Variants in NWD2 observed in about 807,000 individuals in gnomAD.
NWD2 encodes NACHT and WD repeat domain containing 2.
NWD2 carries 37 observed loss-of-function variants against 132.7 expected under a neutral mutation model. The observed-to-expected ratio is 0.28, with a 90% CI of 0.21 to 0.37. The LOEUF is 0.37. NWD2 is among the 10% of genes least tolerant of loss of function. NWD2 has a pLI of 1.00. For missense variants in NWD2, 1,592 were observed against 2,122.4 expected (o/e 0.75, Z 4.91); for synonymous variants, 705 against 803.0 (o/e 0.88, Z 2.06).
chr4:37,408,514 G>C (rs894703085), intron 3 of NWD2, among the ~76,000 whole-genome samples: 2 of 152,212 alleles, frequency 1.3e-5, no homozygotes, highest in Non-Finnish European at 2.9e-5. Flanking sequence ...CTGAAAAAAA[G>C]GCAGCAGACC....
At chr4:37,347,967 A>G (rs1719669592) in intron 2 of NWD2, among the ~76,000 whole-genome samples, 1 of 152,226 alleles carries the variant, frequency 6.6e-6, no homozygotes, top group Non-Finnish European at 1.5e-5. Flanking sequence ...AGTTATTGGC[A>G]TATGGTCTTA....
chr4:37,411,242 CTAAT>C (rs1208953680), intron 3 of NWD2, among the ~76,000 whole-genome samples: 1 of 152,030 alleles, frequency 6.6e-6, no homozygotes, highest in African/African-American at 2.4e-5. Context: ...ACTAGCCAGA[CTAAT>C]AAAGCAGGAA....
chr4:37,313,806 C>T (rs1656218), intron 1 of NWD2, among the ~76,000 whole-genome samples: 7,521 of 150,906 alleles, frequency 0.05, 934 homozygotes, highest in African/African-American at 0.16. Context: ...TCAAGTGATT[C>T]TGCTGCCTCA....
At chr4:37,326,873 T>C (rs1489856897) in intron 2 of NWD2, among the ~76,000 whole-genome samples, 6 of 152,190 alleles carry the variant, frequency 3.9e-5, no homozygotes, top group Admixed American at 3.9e-4. Context: ...TCCTCCCAGA[T>C]AAATATTTTA....
intron 1 of NWD2, among the ~76,000 whole-genome samples, chr4:37,311,152 A>G (rs1718833267): frequency 1.3e-5 from 2 of 152,136 alleles, no homozygotes. Context: ...TATACCCAGT[A>G]ATGGGATGGC....
rs905184121 is a variant in NWD2 at position 37,319,883 on chromosome 4, A to T, written c.152-6053A>T. ...GCTGTTTGGGTTACTGTAGCCTTAT[A>T]GTATAGTTTGAAGTCAGGTAATGTG... On this transcript the variant is annotated intron_variant, in intron 1 of 6. Transcript: ENST00000309447. Among the ~76,000 whole-genome samples the T allele has an allele frequency of 2.6e-5, 4 of 152,158 alleles. No individual in the cohort carries two copies. The South Asian group carries it at 6.2e-4, about 24-fold the overall frequency.
At chr4:37,295,197 G>T (rs901490069) in intron 1 of NWD2, among the ~76,000 whole-genome samples, 1 of 152,060 alleles carries the variant, frequency 6.6e-6, no homozygotes. Flanking sequence ...TTTTTTGTCA[G>T]AGTGTGTTGG....
At chr4:37,435,249 C>T (rs967614219) in intron 5 of NWD2, among the ~76,000 whole-genome samples, 1 of 152,158 alleles carries the variant, frequency 6.6e-6, no homozygotes, top group Non-Finnish European at 1.5e-5. Flanking sequence ...ATAATAGCTG[C>T]GTTTTCAGAT....
chr4:37,351,084 G>C (rs1049175444), intron 2 of NWD2, among the ~76,000 whole-genome samples: 2 of 152,086 alleles, frequency 1.3e-5, no homozygotes, highest in African/African-American at 4.8e-5. Flanking sequence ...CAGTTTGCCA[G>C]TATTTTATTG....
chr4:37,349,007 T>G (rs1719707395), intron 2 of NWD2, among the ~76,000 whole-genome samples: 1 of 152,028 alleles, frequency 6.6e-6, no homozygotes, highest in Non-Finnish European at 1.5e-5. Flanking sequence ...GCAGAGGACA[T>G]GAACTCATCC....
At chr4:37,395,584 CAA>C (rs1156884728) in intron 3 of NWD2, among the ~76,000 whole-genome samples, 56 of 18,276 alleles carry the variant, frequency 3.1e-3, no homozygotes, top group African/African-American at 8.5e-3. Flanking sequence ...AACTCTGTCT[CAA>C]AAAAAAAAAA....
chr4:37,360,180 G>T (rs1237383111), intron 3 of NWD2, among the ~76,000 whole-genome samples: 1 of 152,186 alleles, frequency 6.6e-6, no homozygotes, highest in African/African-American at 2.4e-5. Flanking sequence ...AAGGATTGTT[G>T]TGGGGACCAA....
chr4:37,331,579 C>T (rs1719292735), intron 2 of NWD2, among the ~76,000 whole-genome samples: 1 of 152,008 alleles, frequency 6.6e-6, no homozygotes, highest in African/African-American at 2.4e-5. Context: ...TACAATACCA[C>T]CAGAATCATC....
chr4:37,374,904 A>C (rs897038107), intron 3 of NWD2, among the ~76,000 whole-genome samples: 4 of 152,234 alleles, frequency 2.6e-5, no homozygotes, highest in Non-Finnish European at 5.9e-5. Context: ...TTCTCAACTG[A>C]ATGATATGAA....
At chr4:37,362,523 A>G (rs1720001098) in intron 3 of NWD2, among the ~76,000 whole-genome samples, 1 of 152,208 alleles carries the variant, frequency 6.6e-6, no homozygotes, top group Admixed American at 6.5e-5. Context: ...CTGCACACCT[A>G]CAGCCATCTG....
chr4:37,335,657 C>T (rs763156412), intron 2 of NWD2, among the ~76,000 whole-genome samples: 1 of 151,788 alleles, frequency 6.6e-6, no homozygotes, highest in Non-Finnish European at 1.5e-5. Context: ...ATTAGATTCT[C>T]ATAGGAACAT....
At chr4:37,379,770 G>C (rs867924001) in intron 3 of NWD2, among the ~76,000 whole-genome samples, 4 of 152,154 alleles carry the variant, frequency 2.6e-5, no homozygotes, top group African/African-American at 9.7e-5. Context: ...ACAAATGAAG[G>C]TGTAACTGTT....
chr4:37,448,969 C>T lies in NWD2; in HGVS notation c.*1752C>T, dbSNP rs909393554. The T allele has an allele frequency of 6.6e-6, 1 of 152,178 alleles. No homozygotes were observed. Among genetic ancestry groups the T allele is most frequent in the Non-Finnish European group, 1.5e-5 (1 of 68,028 alleles). The allele number at this position is 152,178 out of a possible 1,614,324, so 9.4% of individuals were successfully genotyped here. On this transcript the variant is annotated 3_prime_UTR_variant, in exon 7 of 7. Transcript: ENST00000309447. ...GTGATTCAGATAAAAATACCCAGGT[C>T]CATAGTGAAAGATGTTTTTCAGTAT...
intron 3 of NWD2, among the ~76,000 whole-genome samples, chr4:37,371,197 C>T (rs2109305530): frequency 6.6e-6 from 1 of 151,168 alleles, no homozygotes; most frequent in African/African-American, 2.4e-5. Context: ...CCTGCCTCCA[C>T]CTCCCAAGTA....
Sources: allele counts gnomAD v4.1 joint callset (sites outside exome capture counted in the v4.1 genomes callset), GRCh38; gene constraint gnomAD v4.1.1; transcripts MANE v1.5; gene names NCBI Gene and HGNC (gene_info 2026-07-23, HGNC 2026-07-21).